RYR3: variants seen among roughly 807,000 people sequenced by gnomAD.
The protein encoded by RYR3 is ryanodine receptor 3, also known as brain ryanodine receptor-calcium release channel.
A neutral mutation model predicts 584.3 loss-of-function variants in RYR3; 207 were observed. That is an observed-to-expected ratio of 0.35 (90% confidence interval 0.32 to 0.40). The LOEUF is 0.40. Ranked by LOEUF, RYR3 falls within the 10% of genes least tolerant of loss-of-function variation. The pLI, the probability that RYR3 is intolerant of heterozygous loss-of-function variation, is 1.00. For missense variants in RYR3, 5,616 were observed against 6,089.2 expected, an observed-to-expected ratio of 0.92 and a Z score of 2.59; for synonymous variants, 2,416 against 2,248.5, an observed-to-expected ratio of 1.07 and a Z score of -2.11.
chr15:33,835,164 A>C (rs983282745), intron 87 of RYR3, 92 bp downstream of exon 87: 114 of 988,934 alleles, frequency 1.2e-4, no homozygotes, highest in Non-Finnish European at 9.4e-5. Flanking sequence ...TGGCTGCTTG[A>C]TCAAAGGCTG....
At chr15:33,362,757 C>G (rs773692095) in intron 1 of RYR3, among the ~76,000 whole-genome samples, 10 of 152,156 alleles carry the variant, frequency 6.6e-5, no homozygotes, top group Non-Finnish European at 1.3e-4. Flanking sequence ...TTGAAATATC[C>G]TACACCATGA....
At chr15:33,456,197 C>T (rs1403406553) in intron 1 of RYR3, among the ~76,000 whole-genome samples, 1 of 152,172 alleles carries the variant, frequency 6.6e-6, no homozygotes, top group East Asian at 1.9e-4. Context: ...TGGTTACCAT[C>T]TTCCATATAT....
At position 33,337,934 on chromosome 15, in the gene RYR3, A is replaced by ATTTTTTTTTTT. The variant is rs199625940; in HGVS notation, c.51+26856_51+26866dup. Among the ~76,000 whole-genome samples, 35 of 113,594 alleles carry ATTTTTTTTTTT rather than the reference A, an allele frequency of 3.1e-4. 2 individuals are homozygous for ATTTTTTTTTTT. The highest frequency in any genetic ancestry group is 4.7e-4 in the Non-Finnish European group (27 of 57,716). 74.5% of individuals were successfully genotyped at this position (113,594 alleles called of 152,430 possible). A position where few individuals can be genotyped will look rare whatever the true frequency, so the allele number is the denominator to read the frequency against. On this transcript the variant is annotated intron_variant, in intron 1 of 103. Coordinates refer to ENST00000634891, the MANE Select transcript of RYR3 (RefSeq NM_001036.6). ...AGACAAGTCTCAATCATTTTAGGAG[A>ATTTTTTTTTTT]TTTTTTTTTTTTTTTTTTTTTTTTT... is the stretch of plus-strand genomic sequence containing the variant.
In RYR3 at chr15:33,448,922, G is replaced by A. The variant is rs1166696796; in HGVS notation, c.52-24497G>A. ...GAGAACGTGGTCACTGATTATCCTC[G>A]TCTTCCACAGGTTTAGAAAGGGAAG... On this transcript the variant is annotated intron_variant, in intron 1 of 103. Coordinates refer to ENST00000634891, the MANE Select transcript of RYR3 (RefSeq NM_001036.6). 4.6e-5 allele frequency among the ~76,000 whole-genome samples: 7 copies of A among 152,072 alleles called. 1 individual carries two copies. Among genetic ancestry groups the A allele is most frequent in the South Asian group, 4.2e-4 (2 of 4,812 alleles).
At chr15:33,753,292 G>A (rs2071501941) in intron 57 of RYR3, among the ~76,000 whole-genome samples, 1 of 152,176 alleles carries the variant, frequency 6.6e-6, no homozygotes, top group Non-Finnish European at 1.5e-5. Flanking sequence ...ACTGACATAA[G>A]CAGTCTTGGA....
At chr15:33,640,321 T>G (rs1456179148) in intron 27 of RYR3, among the ~76,000 whole-genome samples, 2 of 152,174 alleles carry the variant, frequency 1.3e-5, no homozygotes, top group African/African-American at 4.8e-5. Context: ...TTTCCTTTGT[T>G]TTCTACAAGG....
chr15:33,503,705 G>A lies in RYR3; in HGVS notation c.246G>A (p.Met82Ile). The change falls in exon 3 of 104, where the codon ATG (methionine) becomes ATA (isoleucine). Residue 82 changes from methionine to isoleucine, a missense_variant. Around this residue, in one of 9 missense-constraint regions of RYR3, gnomAD observed 1,284 missense variants for 1,344.6 expected, o/e 0.95. Coordinates refer to ENST00000634891, the MANE Select transcript of RYR3 (RefSeq NM_001036.6). Reference protein sequence around the residue: ...QSLSVRALQEMLANTGENGGE... With the variant: ...QSLSVRALQEILANTGENGGE... Reference sequence around the variant, plus strand: ...TATCTGTCAGAGCCCTGCAGGAAATGCTTGCCAACACAGGTGAAAATGGCG... The same window carrying A: ...TATCTGTCAGAGCCCTGCAGGAAATACTTGCCAACACAGGTGAAAATGGCG... The A allele has an allele frequency of 3.1e-6, 5 of 1,612,762 alleles. No homozygotes were observed. The highest frequency in any genetic ancestry group is 3.4e-6 in the Non-Finnish European group (4 of 1,179,418).
intron 1 of RYR3, among the ~76,000 whole-genome samples, chr15:33,360,796 C>T (rs1441435849): frequency 1.3e-5 from 2 of 152,200 alleles, no homozygotes; most frequent in Admixed American, 1.3e-4. Context: ...TTGCATCTTT[C>T]ATTGAAGGTA....
At chr15:33,489,939 T>A (rs2050829110) in intron 2 of RYR3, among the ~76,000 whole-genome samples, 1 of 26,520 alleles carries the variant, frequency 3.8e-5, no homozygotes, top group South Asian at 1.1e-3. Flanking sequence ...ATTCATTCCT[T>A]AAAGTTTCAT....
intron 12 of RYR3, among the ~76,000 whole-genome samples, chr15:33,576,079 A>G (rs947923040): frequency 6.6e-6 from 1 of 152,214 alleles, no homozygotes; most frequent in African/African-American, 2.4e-5. Context: ...GAATTCCTGA[A>G]TAGACCAATG....
intron 2 of RYR3, among the ~76,000 whole-genome samples, chr15:33,479,790 A>G (rs1012282213): frequency 6.6e-6 from 1 of 152,206 alleles, no homozygotes; most frequent in Non-Finnish European, 1.5e-5. Flanking sequence ...ATGCCTGGGC[A>G]CATCTCCATA....
At chr15:33,687,166 C>G (rs1245445471) in intron 38 of RYR3, among the ~76,000 whole-genome samples, 1 of 152,198 alleles carries the variant, frequency 6.6e-6, no homozygotes, top group African/African-American at 2.4e-5. Flanking sequence ...ATTTAGAAAA[C>G]CCCATCATCT....
intron 47 of RYR3, among the ~76,000 whole-genome samples, chr15:33,731,107 C>A (rs2068907883): frequency 6.6e-6 from 1 of 152,156 alleles, no homozygotes; most frequent in Non-Finnish European, 1.5e-5. Flanking sequence ...AGTATCCTGG[C>A]AACTAGACTT....
chr15:33,687,757 C>T (rs1414510147), intron 38 of RYR3, among the ~76,000 whole-genome samples: 1 of 152,102 alleles, frequency 6.6e-6, no homozygotes, highest in Non-Finnish European at 1.5e-5. Flanking sequence ...GAAATAACAC[C>T]ACACATCTAC....
intron 67 of RYR3, among the ~76,000 whole-genome samples, chr15:33,800,549 T>C (rs955016087): frequency 9.2e-5 from 14 of 152,216 alleles, no homozygotes; most frequent in Non-Finnish European, 1.8e-4. Context: ...CAAATGGAAA[T>C]AATTACTGTA....
Position 33,646,400 on chromosome 15 carries a change from C to G in RYR3, c.3815C>G (p.Thr1272Arg). ...TMDSPPCLKV[T>R]HKTFGTQNSN... ...GACAGCCCTCCGTGTCTCAAGGTGA[C>G]GCATAAGACATTTGGCACACAGAAT... The change falls in exon 29 of 104, where the codon ACG becomes AGG. Residue 1272 changes from threonine (T) to arginine (R), a missense_variant. Thr to Arg is a moderately conservative substitution (Grantham distance 71). Coordinates refer to ENST00000634891, the MANE Select transcript of RYR3 (RefSeq NM_001036.6). The G allele has an allele frequency of 6.2e-7, 1 of 1,613,484 alleles. No individual in the cohort carries two copies. The highest frequency in any genetic ancestry group is 1.1e-5 in the South Asian group (1 of 91,024).
intron 50 of RYR3, 93 bp from the exon 51 acceptor site, chr15:33,739,739 T>G: frequency 9.2e-7 from 1 of 1,092,048 alleles, no homozygotes; most frequent in Non-Finnish European, 1.3e-6. Flanking sequence ...AATGCGCGTA[T>G]TTTATTTCTG....
At chr15:33,329,356 A>G (rs978678419) in intron 1 of RYR3, among the ~76,000 whole-genome samples, 1 of 152,240 alleles carries the variant, frequency 6.6e-6, no homozygotes, top group African/African-American at 2.4e-5. Context: ...AGGAACATGA[A>G]TACTGCTAAT....
intron 42 of RYR3, among the ~76,000 whole-genome samples, chr15:33,705,162 A>G (rs965853243): frequency 1.4e-5 from 2 of 147,698 alleles, no homozygotes; most frequent in Non-Finnish European, 3.0e-5. Flanking sequence ...CAGCCTGTGA[A>G]ATGTCTGCAC....
Sources: allele counts gnomAD v4.1 joint callset (sites outside exome capture counted in the v4.1 genomes callset), GRCh38; gene constraint gnomAD v4.1.1; regional missense constraint gnomAD v4.1.1; transcripts MANE v1.5; gene names NCBI Gene and HGNC (gene_info 2026-07-23, HGNC 2026-07-21).